The following NBEA variants were observed in gnomAD, a reference collection of about 807,000 sequenced individuals.
NBEA encodes lysosomal-trafficking regulator 2.
NBEA carries 44 observed loss-of-function variants against 343.4 expected under a neutral mutation model. The ratio of observed to expected loss-of-function variants is 0.13; its 90% CI spans 0.10 to 0.16. The LOEUF (loss-of-function observed/expected upper bound fraction) is 0.16. NBEA is among the 10% of genes least tolerant of loss of function. The probability of loss-of-function intolerance (pLI) is 1.00; values close to 1 mark genes in which losing one functional copy is unlikely to be tolerated. For missense variants in NBEA, 2,555 were observed against 3,631.3 expected (o/e 0.70, Z 7.62); for synonymous variants, 1,175 against 1,238.7 (o/e 0.95, Z 1.08).
At chr13:35,488,526 G>A (rs1429653555) in intron 41 of NBEA, among the ~76,000 whole-genome samples, 4 of 151,824 alleles carry the variant, frequency 2.6e-5, no homozygotes, top group Admixed American at 2.6e-4. Context: ...CCACATGCTT[G>A]ATCAATGACT....
intron 48 of NBEA, among the ~76,000 whole-genome samples, chr13:35,608,009 C>T (rs1274874166): frequency 2.6e-5 from 4 of 152,162 alleles, no homozygotes; most frequent in Non-Finnish European, 4.4e-5. Flanking sequence ...CCCCTCCTCT[C>T]GATTTTCTGT....
intron 55 of NBEA, among the ~76,000 whole-genome samples, chr13:35,663,540 A>G (rs933358608): frequency 6.6e-5 from 10 of 152,076 alleles, no homozygotes; most frequent in African/African-American, 9.7e-5. Context: ...GGTTGATTCT[A>G]TATCTGAGCT....
intron 1 of NBEA, among the ~76,000 whole-genome samples, chr13:34,955,066 A>G (rs1380582300): frequency 2.0e-5 from 3 of 152,182 alleles, no homozygotes; most frequent in African/African-American, 7.2e-5. Flanking sequence ...AGAACCAGGT[A>G]GGTTAAGATT....
chr13:35,208,828 C>T lies in NBEA; in HGVS notation c.5495C>T (p.Thr1832Ile), dbSNP rs774637822. 6.2e-7 allele frequency: 1 copy of T among 1,604,020 alleles called. No individual in the cohort carries two copies. Among genetic ancestry groups the T allele is most frequent in the Non-Finnish European group, 8.5e-7 (1 of 1,174,338 alleles). The change falls in exon 32 of 59, where the codon ACA (threonine) becomes ATA (isoleucine). Residue 1832 changes from threonine to isoleucine, a missense_variant. Transcript: ENST00000379939. ...AATATATTTGCTGCTACTGGAGCTA[C>T]ACCAAAAAGTATGATTAATACAACA... ...TSNIFAATGA[T>I]PKSMINTTGA...
At position 35,633,117 on chromosome 13, in the gene NBEA, T is replaced by C. The variant is rs540681565; in HGVS notation, c.7617+4869T>C. On this transcript the variant is annotated intron_variant, in intron 49 of 58. Coordinates refer to ENST00000379939, the MANE Select transcript of NBEA (RefSeq NM_001385012.1). ...CATTAAATAATTTTTTGTTTGTTTG[T>C]TTTGAGACAGAGTCTCGCTCTGTCG... 2.6e-5 allele frequency among the ~76,000 whole-genome samples: 4 copies of C among 151,470 alleles called. No homozygotes were observed. In the South Asian group the frequency reaches 8.3e-4, roughly 32 times the overall value.
At chr13:35,204,498 G>A (rs1442158376) in intron 31 of NBEA, among the ~76,000 whole-genome samples, 1 of 152,032 alleles carries the variant, frequency 6.6e-6, no homozygotes, top group Non-Finnish European at 1.5e-5. Flanking sequence ...AATAACACAG[G>A]AAAGACCGGC....
chr13:35,502,624 T>A (rs888494523), intron 41 of NBEA, among the ~76,000 whole-genome samples: 3 of 152,030 alleles, frequency 2.0e-5, no homozygotes, highest in African/African-American at 7.2e-5. Context: ...CCTCTGGGGG[T>A]TTGTGGGTCT....
At position 35,508,451 on chromosome 13, in the gene NBEA, A is replaced by G. The variant is rs559735282; in HGVS notation, c.6585+35915A>G. ...GATTACTCTAATGTTAGCATGAAGA[A>G]TGAATTGGATGACAACAATGCTGAG... On this transcript the variant is annotated intron_variant, in intron 41 of 58. Transcript: ENST00000379939. 2.6e-5 allele frequency among the ~76,000 whole-genome samples: 4 copies of G among 152,322 alleles called. No homozygotes were observed. In the South Asian group the frequency reaches 6.2e-4, roughly 24 times the overall value.
intron 48 of NBEA, among the ~76,000 whole-genome samples, chr13:35,610,276 C>T (rs1317793702): frequency 6.6e-6 from 1 of 152,076 alleles, no homozygotes; most frequent in Non-Finnish European, 1.5e-5. Context: ...GTCTGTGATT[C>T]CAGCTACTCA....
At chr13:35,469,871 T>C (rs1488194154) in intron 40 of NBEA, among the ~76,000 whole-genome samples, 8 of 152,242 alleles carry the variant, frequency 5.3e-5, no homozygotes, top group Non-Finnish European at 1.0e-4. Flanking sequence ...AACCAAGTAC[T>C]GTATGGAAGA....
At chr13:34,999,748 CTAT>C (rs1320133726) in intron 1 of NBEA, among the ~76,000 whole-genome samples, 1 of 151,994 alleles carries the variant, frequency 6.6e-6, no homozygotes, top group Non-Finnish European at 1.5e-5. Context: ...GAGGTAGACA[CTAT>C]TATTATCCAC....
intron 41 of NBEA, among the ~76,000 whole-genome samples, chr13:35,525,012 A>G (rs2077899816): frequency 6.6e-6 from 1 of 152,192 alleles, no homozygotes; most frequent in Non-Finnish European, 1.5e-5. Context: ...TACTTAGAAG[A>G]ATGCTCAATA....
chr13:35,322,422 C>G (rs2038223337), intron 36 of NBEA, among the ~76,000 whole-genome samples: 1 of 152,188 alleles, frequency 6.6e-6, no homozygotes, highest in Non-Finnish European at 1.5e-5. Flanking sequence ...CCACCGTGGA[C>G]TGCACCCACA....
chr13:35,308,438 CTA>C (rs5802761), intron 35 of NBEA, among the ~76,000 whole-genome samples: 6,323 of 88,742 alleles, frequency 0.071, 213 homozygotes, highest in South Asian at 0.11. Context: ...CTGCTATTTA[CTA>C]TATATATATA....
chr13:35,445,254 C>T (rs2045939371), intron 39 of NBEA, among the ~76,000 whole-genome samples: 1 of 152,028 alleles, frequency 6.6e-6, no homozygotes, highest in Non-Finnish European at 1.5e-5. Context: ...AAAGCATTAA[C>T]TATGTTCTTT....
intron 10 of NBEA, among the ~76,000 whole-genome samples, chr13:35,073,443 A>C (rs2063963783): frequency 6.6e-6 from 1 of 152,162 alleles, no homozygotes; most frequent in Non-Finnish European, 1.5e-5. Flanking sequence ...TTTTTGAGAA[A>C]TGGAGCTAAG....
chr13:35,304,772 T>C (rs1028201988), intron 35 of NBEA, among the ~76,000 whole-genome samples: 5 of 152,166 alleles, frequency 3.3e-5, no homozygotes, highest in African/African-American at 1.2e-4. Context: ...TTTTTTATAT[T>C]TACTGTGTGT....
At chr13:35,555,237 A>C (rs2153017075) in intron 44 of NBEA, 135 bp downstream of exon 44, 1 of 514,264 alleles carries the variant, frequency 1.9e-6, no homozygotes, top group East Asian at 3.3e-5. Context: ...ACTCACATTA[A>C]ATTTTATCAG....
At chr13:35,582,677 C>CA (rs879781631) in intron 45 of NBEA, among the ~76,000 whole-genome samples, 1 of 151,932 alleles carries the variant, frequency 6.6e-6, no homozygotes, top group Non-Finnish European at 1.5e-5. Flanking sequence ...TTAAAGTTAA[C>CA]AAAAAATGAA....
Sources: gnomAD v4.1 joint callset for allele counts (sites outside exome capture counted in the v4.1 genomes callset) on GRCh38, gnomAD v4.1.1 for gene constraint, MANE v1.5 for transcripts, NCBI Gene and HGNC (gene_info 2026-07-23, HGNC 2026-07-21) for gene names.